Variants in TRAPPC9 observed in about 807,000 individuals in gnomAD.
TRAPPC9 encodes trafficking protein particle complex subunit 9, also known as IKK2 binding protein.
A neutral mutation model predicts 124.0 loss-of-function variants in TRAPPC9; 83 were observed. The observed-to-expected ratio is 0.67, with a 90% CI of 0.56 to 0.80. The LOEUF (loss-of-function observed/expected upper bound fraction) is 0.80, where lower values mean the gene tolerates loss of function less well. Among genes scored for constraint, TRAPPC9 ranks in the 30% least tolerant of loss-of-function variants. TRAPPC9 has a pLI of 0.00. For missense variants in TRAPPC9, 1,302 were observed against 1,508.3 expected (o/e 0.86, Z 2.27); for synonymous variants, 638 against 617.5 (o/e 1.03, Z -0.49).
At chr8:140,434,201 G>T (rs953023779) in intron 4 of TRAPPC9, among the ~76,000 whole-genome samples, 1 of 152,134 alleles carries the variant, frequency 6.6e-6, no homozygotes, top group Non-Finnish European at 1.5e-5. Context: ...CTCCCACACT[G>T]TGGAGTGTAC....
intron 2 of TRAPPC9, among the ~76,000 whole-genome samples, chr8:140,446,293 CAAAA>C (rs59393001): frequency 1.8e-5 from 2 of 110,366 alleles, no homozygotes; most frequent in Admixed American, 1.0e-4. Context: ...GACTCTGTCT[CAAAA>C]AAAAAAAAAA....
chr8:140,051,379 G>T (rs1841990197), intron 17 of TRAPPC9, among the ~76,000 whole-genome samples: 2 of 152,162 alleles, frequency 1.3e-5, no homozygotes, highest in South Asian at 4.1e-4. Flanking sequence ...TTTCACATGG[G>T]TGTATCTGAA....
intron 19 of TRAPPC9, among the ~76,000 whole-genome samples, chr8:139,970,778 A>C (rs536225151): frequency 6.6e-6 from 1 of 152,262 alleles, no homozygotes; most frequent in Non-Finnish European, 1.5e-5. Flanking sequence ...GTCACGTGCC[A>C]GGCCTGCAAT....
chr8:139,774,955 C>T (rs1040373460), intron 21 of TRAPPC9, among the ~76,000 whole-genome samples: 3 of 152,222 alleles, frequency 2.0e-5, no homozygotes, highest in African/African-American at 7.2e-5. Context: ...CTGAGCAGAA[C>T]GCCCGGATGG....
At chr8:140,447,743 T>C (rs956570680) in intron 2 of TRAPPC9, among the ~76,000 whole-genome samples, 7 of 152,174 alleles carry the variant, frequency 4.6e-5, no homozygotes, top group African/African-American at 1.7e-4. Flanking sequence ...GGACATTTCC[T>C]GTTGAGCTAC....
chr8:139,737,306 G>T (rs1291651009), intron 21 of TRAPPC9, among the ~76,000 whole-genome samples: 2 of 152,190 alleles, frequency 1.3e-5, no homozygotes, highest in East Asian at 3.9e-4. Flanking sequence ...ATCACAAGGT[G>T]AGCCCTAGAA....
rs143274568 is a variant in TRAPPC9 at position 139,941,758 on chromosome 8, G to A, written c.2811-31458C>T. Among the ~76,000 whole-genome samples the A allele has an allele frequency of 5.0e-3, 760 of 152,266 alleles. 14 individuals are homozygous for A. In the East Asian group the frequency reaches 0.063, roughly 13 times the overall value. ...GTGAAGGTCTCAGGGCAGGCTGGCC[G>A]AGCAGGAGGCAGGCTGGGCAGAGGG... On this transcript the variant is annotated intron_variant, in intron 19 of 22. Coordinates refer to ENST00000438773, the MANE Select transcript of TRAPPC9 (RefSeq NM_001160372.4).
intron 21 of TRAPPC9, among the ~76,000 whole-genome samples, chr8:139,801,331 G>T (rs1823510890): frequency 6.6e-6 from 1 of 152,234 alleles, no homozygotes; most frequent in African/African-American, 2.4e-5. Flanking sequence ...ACACACCCCA[G>T]CATCCCAGCC....
chr8:140,078,133 A>G (rs576553083), intron 17 of TRAPPC9, among the ~76,000 whole-genome samples: 1 of 152,350 alleles, frequency 6.6e-6, no homozygotes, highest in East Asian at 1.9e-4. Flanking sequence ...CTTCCAGACA[A>G]GAAAGAACCT....
chr8:140,037,851 G>T (rs1051066645), intron 17 of TRAPPC9, among the ~76,000 whole-genome samples: 1 of 102,606 alleles, frequency 9.7e-6, no homozygotes, highest in Non-Finnish European at 2.1e-5. Flanking sequence ...CACACACACA[G>T]ATACACACAT....
intron 17 of TRAPPC9, among the ~76,000 whole-genome samples, chr8:140,062,469 G>A (rs1842679625): frequency 6.6e-6 from 1 of 152,050 alleles, no homozygotes; most frequent in South Asian, 2.1e-4. Flanking sequence ...CAGCCCCAGG[G>A]CCTTTACTCC....
At chr8:140,452,298 T>C (rs1437221276) in intron 1 of TRAPPC9, among the ~76,000 whole-genome samples, 1 of 150,892 alleles carries the variant, frequency 6.6e-6, no homozygotes, top group African/African-American at 2.4e-5. Context: ...CAGGCACCTG[T>C]AGTCCCAGCT....
chr8:140,119,561 G>A (rs1193573498), intron 17 of TRAPPC9, among the ~76,000 whole-genome samples: 1 of 152,176 alleles, frequency 6.6e-6, no homozygotes, highest in Non-Finnish European at 1.5e-5. Flanking sequence ...ACCTAATGAA[G>A]ATGAATGTAA....
In TRAPPC9 at chr8:139,975,668, C is replaced by T. The variant is rs543282211; in HGVS notation, c.2810+13058G>A. Among the ~76,000 whole-genome samples, 3 of 152,270 alleles carry T rather than the reference C, an allele frequency of 2.0e-5. No individual in the cohort carries two copies. The South Asian group carries it at 6.2e-4, about 32-fold the overall frequency. On this transcript the variant is annotated intron_variant, in intron 19 of 22. Coordinates refer to ENST00000438773, the MANE Select transcript of TRAPPC9 (RefSeq NM_001160372.4). Reference sequence around the variant, plus strand: ...TGGCCCAGCCAAGTTGACCCCTCACCACCCCCACACTCCTACATTAGCACC... The same window carrying T: ...TGGCCCAGCCAAGTTGACCCCTCACTACCCCCACACTCCTACATTAGCACC...
chr8:140,170,185 G>C (rs990963079), intron 17 of TRAPPC9, among the ~76,000 whole-genome samples: 1 of 152,204 alleles, frequency 6.6e-6, no homozygotes, highest in Non-Finnish European at 1.5e-5. Context: ...GCAGTGGGGT[G>C]AGGACAGCTG....
At chr8:140,069,879 AG>A (rs1366017937) in intron 17 of TRAPPC9, among the ~76,000 whole-genome samples, 1 of 152,174 alleles carries the variant, frequency 6.6e-6, no homozygotes, top group Non-Finnish European at 1.5e-5. Context: ...TGCTGCTGTC[AG>A]TCCTAGAGTC....
intron 3 of TRAPPC9, among the ~76,000 whole-genome samples, chr8:140,438,450 G>A (rs1383404157): frequency 1.3e-5 from 2 of 152,180 alleles, no homozygotes; most frequent in African/African-American, 4.8e-5. Context: ...TCTAAGAGGT[G>A]AAGATCATGG....
chr8:139,808,088 T>A (rs1278599682), intron 21 of TRAPPC9, among the ~76,000 whole-genome samples: 1 of 152,198 alleles, frequency 6.6e-6, no homozygotes, highest in African/African-American at 2.4e-5. Context: ...GGAGTGCAAG[T>A]GGGTGCGGCC....
chr8:139,940,991 G>C (rs949733608), intron 19 of TRAPPC9, among the ~76,000 whole-genome samples: 16 of 152,224 alleles, frequency 1.1e-4, no homozygotes, highest in African/African-American at 3.6e-4. Context: ...AGGGGGGTTG[G>C]GGTAGCATCT....
Sources: allele counts gnomAD v4.1 joint callset (sites outside exome capture counted in the v4.1 genomes callset), GRCh38; gene constraint gnomAD v4.1.1; transcripts MANE v1.5; gene names NCBI Gene and HGNC (gene_info 2026-07-23, HGNC 2026-07-21).